The following SLC1A3 variants were observed in gnomAD, a reference collection of about 807,000 sequenced individuals.
SLC1A3 encodes solute carrier family 1 member 3.
SLC1A3 carries 21 observed loss-of-function variants against 48.1 expected under a neutral mutation model. The observed-to-expected ratio is 0.44, with a 90% CI of 0.31 to 0.63. SLC1A3 has a LOEUF of 0.63. SLC1A3 is among the 20% of genes least tolerant of loss of function. The pLI, the probability that SLC1A3 is intolerant of heterozygous loss-of-function variation, is 0.08. For synonymous variants in SLC1A3, 239 were observed against 251.4 expected, an observed-to-expected ratio of 0.95 and a Z score of 0.47; for missense variants, 546 against 689.0, an observed-to-expected ratio of 0.79 and a Z score of 2.32.
chr5:36,617,324 G>A (rs1045475588), intron 2 of SLC1A3, among the ~76,000 whole-genome samples: 1 of 150,122 alleles, frequency 6.7e-6, no homozygotes, highest in African/African-American at 2.4e-5. Context: ...GACTCAAAGC[G>A]ACATTTTAGA....
intron 2 of SLC1A3, chr5:36,608,923 G>A (rs1298539977): frequency 1.9e-5 from 20 of 1,054,634 alleles, no homozygotes; most frequent in Non-Finnish European, 2.2e-5. Context: ...AAGCAAGCAT[G>A]CTAGATTTGG....
intron 3 of SLC1A3, among the ~76,000 whole-genome samples, chr5:36,645,482 C>T (rs1456191527): frequency 6.6e-6 from 1 of 151,874 alleles, no homozygotes; most frequent in African/African-American, 2.4e-5. Flanking sequence ...CCTACCACCA[C>T]GCCCAGTTAA....
chr5:36,671,637 T>C (rs1209799847), intron 4 of SLC1A3, among the ~76,000 whole-genome samples: 1 of 152,202 alleles, frequency 6.6e-6, no homozygotes, highest in African/African-American at 2.4e-5. Flanking sequence ...ATCAGTATCA[T>C]TGCCCACTAT....
intron 2 of SLC1A3, among the ~76,000 whole-genome samples, chr5:36,624,769 A>C (rs1739835619): frequency 6.6e-6 from 1 of 152,226 alleles, no homozygotes; most frequent in African/African-American, 2.4e-5. Context: ...TTTAATTAAT[A>C]AGCTTTATAT....
chr5:36,616,276 A>C (rs563096256), intron 2 of SLC1A3, among the ~76,000 whole-genome samples: 1 of 152,220 alleles, frequency 6.6e-6, no homozygotes, highest in Non-Finnish European at 1.5e-5. Context: ...GAATATTCAC[A>C]TCACTATGCC....
chr5:36,625,768 G>A (rs1739879586), intron 2 of SLC1A3, among the ~76,000 whole-genome samples: 1 of 152,114 alleles, frequency 6.6e-6, no homozygotes, highest in Admixed American at 6.5e-5. Flanking sequence ...CCTCTCTATA[G>A]AGAAGAGATG....
At chr5:36,648,705 T>C (rs2111837039) in intron 3 of SLC1A3, among the ~76,000 whole-genome samples, 1 of 152,360 alleles carries the variant, frequency 6.6e-6, no homozygotes, top group East Asian at 1.9e-4. Context: ...GAAAAGGCTT[T>C]TTTAGGCATC....
intron 2 of SLC1A3, among the ~76,000 whole-genome samples, chr5:36,627,023 T>C (rs928734910): frequency 3.3e-5 from 5 of 152,154 alleles, no homozygotes; most frequent in Admixed American, 3.3e-4. Context: ...GACATTGTTA[T>C]AAAAATGCAA....
intron 3 of SLC1A3, chr5:36,668,401 G>C (rs190593006): frequency 6.6e-6 from 1 of 152,326 alleles, no homozygotes; most frequent in Non-Finnish European, 1.5e-5. Flanking sequence ...CTGTCCTGCT[G>C]TTGCCCTGAT....
At chr5:36,607,059 G>T (rs1191636767) in intron 1 of SLC1A3, 1 of 151,752 alleles carries the variant, frequency 6.6e-6, no homozygotes, top group Non-Finnish European at 1.5e-5. Context: ...AAAAAATCTG[G>T]TCTCTCCTAT....
chr5:36,599,739 C>G (rs1006480684), intron 1 of SLC1A3, among the ~76,000 whole-genome samples: 2 of 151,920 alleles, frequency 1.3e-5, no homozygotes, highest in Non-Finnish European at 2.9e-5. Flanking sequence ...TACTCCTGAC[C>G]TTGTGATCCA....
In SLC1A3 at chr5:36,597,031, T is replaced by G. The variant is rs192213176; in HGVS notation, c.-96+353T>G. ...GGGTTTTTTGGTTTGTTTGGTTGGTTGTTTTGTTTTGTTTTGCTTTGCTTT... is the reference window on the plus strand; with the variant it reads ...GGGTTTTTTGGTTTGTTTGGTTGGTGGTTTTGTTTTGTTTTGCTTTGCTTT... On this transcript the variant is annotated intron_variant, in intron 1 of 9. Coordinates refer to the SLC1A3 transcript ENST00000680318. Among the ~76,000 whole-genome samples, 32 of 152,188 alleles carry G rather than the reference T, an allele frequency of 2.1e-4. 1 individual carries two copies. In the South Asian group the frequency reaches 5.2e-3, roughly 25 times the overall value.
chr5:36,638,307 C>T (rs1195578643), intron 3 of SLC1A3, among the ~76,000 whole-genome samples: 1 of 152,170 alleles, frequency 6.6e-6, no homozygotes, highest in African/African-American at 2.4e-5. Flanking sequence ...GCCTTAGCAG[C>T]CTTCGCAAGC....
At position 36,645,319 on chromosome 5, in the gene SLC1A3, C is replaced by CTTTTTTTTTTTT. The variant is rs68027582; in HGVS notation, c.319+15750_319+15761dup. Among the ~76,000 whole-genome samples the CTTTTTTTTTTTT allele has an allele frequency of 2.0e-4, 17 of 84,272 alleles. 8 individuals are homozygous for CTTTTTTTTTTTT. The highest frequency in any genetic ancestry group is 6.1e-4 in the Admixed American group (4 of 6,596). The allele number at this position is 84,272 out of a possible 152,430, so 55.3% of individuals were successfully genotyped here. A position where few individuals can be genotyped will look rare whatever the true frequency, so the allele number is the denominator to read the frequency against. ...ATCTTTGAGGACTGACTTCCGCTGCCTTTTTTTTTTTTTTTTTTTTTTTTT... is the reference window on the plus strand; with the variant it reads ...ATCTTTGAGGACTGACTTCCGCTGCCTTTTTTTTTTTTTTTTTTTTTTTTTTTTTTTTTTTTT... On this transcript the variant is annotated intron_variant, in intron 3 of 9. Coordinates refer to ENST00000265113, the MANE Select transcript of SLC1A3 (RefSeq NM_004172.5).
intron 4 of SLC1A3, among the ~76,000 whole-genome samples, chr5:36,672,342 A>G (rs1223876025): frequency 6.6e-6 from 1 of 152,214 alleles, no homozygotes; most frequent in Non-Finnish European, 1.5e-5. Context: ...ATCCCAGGGC[A>G]TAGACAGAGT....
At chr5:36,623,650 T>C (rs1446686993) in intron 2 of SLC1A3, among the ~76,000 whole-genome samples, 2 of 151,068 alleles carry the variant, frequency 1.3e-5, no homozygotes, top group Admixed American at 6.6e-5. Context: ...GGTCAGAAGA[T>C]TGAGACTACC....
At position 36,686,369 on chromosome 5, in the gene SLC1A3, C is replaced by T; in HGVS notation, c.*100C>T. The T allele has an allele frequency of 1.1e-6, 1 of 928,452 alleles. No individual in the cohort carries two copies. Among genetic ancestry groups the T allele is most frequent in the Admixed American group, 1.8e-5 (1 of 54,752 alleles). The allele number at this position is 928,452 out of a possible 1,614,324, so 57.5% of individuals were successfully genotyped here. ...TCATTCGCTCCAGCAAGCCCGTCAT[C>T]TTCCCTTTCCTCCCTTCTGATAAGA... On this transcript the variant is annotated 3_prime_UTR_variant, in exon 10 of 10. Coordinates refer to ENST00000265113, the MANE Select transcript of SLC1A3 (RefSeq NM_004172.5).
intron 2 of SLC1A3, among the ~76,000 whole-genome samples, chr5:36,614,001 C>T (rs1335606128): frequency 6.6e-6 from 1 of 152,216 alleles, no homozygotes; most frequent in Non-Finnish European, 1.5e-5. Flanking sequence ...CTGCCTCCTA[C>T]TGTGACGGTG....
At chr5:36,648,466 C>T (rs1381114349) in intron 3 of SLC1A3, among the ~76,000 whole-genome samples, 15 of 152,210 alleles carry the variant, frequency 9.9e-5, no homozygotes, top group Admixed American at 6.5e-5. Context: ...TTCTGTCCCA[C>T]GTTTCATGCT....
Sources: gnomAD v4.1 joint callset for allele counts (sites outside exome capture counted in the v4.1 genomes callset) on GRCh38, gnomAD v4.1.1 for gene constraint, MANE v1.5 for transcripts, NCBI Gene and HGNC (gene_info 2026-07-23, HGNC 2026-07-21) for gene names.